Variants in CTBP2 observed in about 807,000 individuals in gnomAD.
CTBP2 encodes C-terminal binding protein 2.
A neutral mutation model predicts 80.3 loss-of-function variants in CTBP2; 30 were observed. The observed-to-expected ratio is 0.37, with a 90% CI of 0.28 to 0.51. The LOEUF is 0.51. Ranked by LOEUF, CTBP2 falls within the 20% of genes least tolerant of loss-of-function variation. The pLI is 0.93. For synonymous variants in CTBP2, 594 were observed against 587.4 expected, an observed-to-expected ratio of 1.01 and a Z score of -0.16; for missense variants, 1,212 against 1,375.3, an observed-to-expected ratio of 0.88 and a Z score of 1.88.
rs181754999 is a variant in CTBP2 at position 125,102,519 on chromosome 10, G to A, written c.-102+8471C>T. Among the ~76,000 whole-genome samples the A allele has an allele frequency of 5.6e-3, 855 of 152,332 alleles. 11 individuals are homozygous for A. The highest frequency in any genetic ancestry group is 0.019 in the African/African-American group (809 of 41,560). ...CTGCCACTTAAGCCCAGGGTTTGCA[G>A]GGGGGTGGGGATCAGAGCACAAATC... is the stretch of plus-strand genomic sequence containing the variant. On this transcript the variant is annotated intron_variant, in intron 2 of 10. Transcript: ENST00000337195.
At position 125,027,301 on chromosome 10, in the gene CTBP2, G is replaced by A; in HGVS notation, c.459C>T (p.Gly153=). 2 of 1,613,788 alleles carry A rather than the reference G, an allele frequency of 1.2e-6. No individual in the cohort carries two copies. The highest frequency in any genetic ancestry group is 2.2e-5 in the South Asian group (2 of 91,076). Residue 153 remains glycine, a synonymous_variant, in exon 1 of 9, where the codon GGC becomes GGT. Coordinates refer to ENST00000309035, the MANE Select transcript of CTBP2 (RefSeq NM_022802.3). ...CGGCGTCCTGCAGGGCAGGTGACCG[G>A]CCTTGCATTGGATCCCATGACGTTC...
intron 2 of CTBP2, 106 bp from the exon 3 acceptor site, chr10:125,039,261 C>T (rs1011971571): frequency 1.1e-4 from 54 of 495,542 alleles, no homozygotes; most frequent in African/African-American, 9.4e-4. Context: ...ACCTGCCATG[C>T]GGACACATGG....
intron 1 of CTBP2, among the ~76,000 whole-genome samples, chr10:125,120,139 G>A (rs541855218): frequency 3.9e-5 from 6 of 152,324 alleles, no homozygotes; most frequent in Middle Eastern, 3.4e-3. Context: ...TTGCCCCAGC[G>A]AGGATCTAGG....
intron 2 of CTBP2, among the ~76,000 whole-genome samples, chr10:125,061,574 C>T (rs1326120235): frequency 6.6e-6 from 1 of 152,216 alleles, no homozygotes; most frequent in Non-Finnish European, 1.5e-5. Context: ...TGGCCTGGGA[C>T]TCAGACACCA....
intron 4 of CTBP2, chr10:124,996,040 A>C (rs1168283689): frequency 9.5e-6 from 1 of 105,412 alleles, no homozygotes; most frequent in Admixed American, 1.1e-4. Flanking sequence ...GCCGACGGCT[A>C]TTTCTTTGTT....
chr10:125,151,092 C>G (rs1859765973), intron 1 of CTBP2, among the ~76,000 whole-genome samples: 1 of 152,080 alleles, frequency 6.6e-6, no homozygotes, highest in Admixed American at 6.5e-5. Context: ...AGTAAGTGCT[C>G]AAGAAATGGT....
At chr10:125,099,242 C>G (rs527609798) in intron 2 of CTBP2, among the ~76,000 whole-genome samples, 1 of 152,228 alleles carries the variant, frequency 6.6e-6, no homozygotes, top group Non-Finnish European at 1.5e-5. Context: ...ATTAACCCCC[C>G]TTATCCATCA....
chr10:125,031,155 C>T (rs541630016), upstream of CTBP2, among the ~76,000 whole-genome samples: 1 of 152,240 alleles, frequency 6.6e-6, no homozygotes, highest in East Asian at 1.9e-4. Flanking sequence ...TTTTTGTCTG[C>T]TTCTGTCAAG....
intron 1 of CTBP2, among the ~76,000 whole-genome samples, chr10:125,138,850 CG>C (rs1857359802): frequency 6.6e-6 from 1 of 152,152 alleles, no homozygotes; most frequent in African/African-American, 2.4e-5. Flanking sequence ...TGTGCCCGTC[CG>C]TCTCTTCACT....
intron 2 of CTBP2, among the ~76,000 whole-genome samples, chr10:125,045,162 T>C (rs566862538): frequency 1.5e-3 from 226 of 152,230 alleles, no homozygotes; most frequent in African/African-American, 5.1e-3. Flanking sequence ...TAGTACCCAA[T>C]AGATGATCTT....
At chr10:125,112,427 T>C (rs916113178) in intron 1 of CTBP2, among the ~76,000 whole-genome samples, 20 of 144,812 alleles carry the variant, frequency 1.4e-4, no homozygotes, top group African/African-American at 3.5e-4. Flanking sequence ...TTCTACCTTT[T>C]TCGTTTTTTT....
intron 1 of CTBP2, among the ~76,000 whole-genome samples, chr10:125,025,765 C>T (rs976036216): frequency 2.0e-5 from 3 of 152,228 alleles, no homozygotes; most frequent in Non-Finnish European, 1.5e-5. Flanking sequence ...GCAGTCTGTT[C>T]TGAGTGACTT....
intron 2 of CTBP2, among the ~76,000 whole-genome samples, chr10:125,041,463 C>T (rs1007115687): frequency 3.4e-5 from 5 of 145,144 alleles, no homozygotes; most frequent in Middle Eastern, 7.5e-3. Context: ...GGAGTGGGGG[C>T]GGGGGGCCAA....
rs529001579 is a variant in CTBP2 at position 125,133,890 on chromosome 10, A to G, written c.-205-22797T>C. Among the ~76,000 whole-genome samples, 4 of 152,320 alleles carry G rather than the reference A, an allele frequency of 2.6e-5. No individual in the cohort carries two copies. In the South Asian group the frequency reaches 6.2e-4, roughly 24 times the overall value. On this transcript the variant is annotated intron_variant, in intron 1 of 10. Coordinates refer to the CTBP2 transcript ENST00000337195. ...TCAGCCGACCATGTGGAAAACTACA[A>G]CTGACTTCTGAATGGCAGGCACTTC...
intron 1 of CTBP2, among the ~76,000 whole-genome samples, chr10:125,143,188 A>T (rs1489637570): frequency 6.6e-6 from 1 of 152,196 alleles, no homozygotes; most frequent in Non-Finnish European, 1.5e-5. Flanking sequence ...GTTCAGAAGA[A>T]GCAAATTCGC....
In CTBP2 at chr10:125,026,776, AT is replaced by A. The variant is rs1338125645; in HGVS notation, c.983del (p.Asp328ValfsTer15). 6.2e-7 allele frequency: 1 copy of A among 1,613,058 alleles called. No individual in the cohort carries two copies. The highest frequency in any genetic ancestry group is 1.7e-5 in the Admixed American group (1 of 60,030). The stretch of plus-strand genomic sequence containing the variant: ...CCAGGTTGGGTGCGACAGACTTGAT[AT>A]CCGCGTCCTCCAGGGTAGCCAGGAC... On this transcript the variant is annotated frameshift_variant, in exon 1 of 9. Coordinates refer to ENST00000309035, the MANE Select transcript of CTBP2 (RefSeq NM_022802.3). LOFTEE classifies it high-confidence loss of function.
chr10:125,081,884 C>T (rs903337679), intron 2 of CTBP2, among the ~76,000 whole-genome samples: 1 of 152,206 alleles, frequency 6.6e-6, no homozygotes, highest in East Asian at 1.9e-4. Flanking sequence ...CCCAGGCCTC[C>T]TTCTGTCTCT....
intron 1 of CTBP2, among the ~76,000 whole-genome samples, chr10:125,131,439 G>A (rs1856167379): frequency 1.3e-5 from 2 of 152,222 alleles, no homozygotes; most frequent in Admixed American, 6.5e-5. Context: ...GGGAGGGGCA[G>A]AATCTACAGG....
chr10:125,000,668 TCAGAGC>T (rs776640812), intron 3 of CTBP2: 1 of 128,984 alleles, frequency 7.8e-6, no homozygotes, highest in Admixed American at 9.5e-5. Context: ...GGCTGACAGC[TCAGAGC>T]CTTGCGATCC....
Sources: gnomAD v4.1 joint callset for allele counts (sites outside exome capture counted in the v4.1 genomes callset) on GRCh38, gnomAD v4.1.1 for gene constraint, MANE v1.5 for transcripts, NCBI Gene and HGNC (gene_info 2026-07-23, HGNC 2026-07-21) for gene names.